SOHLH2: variants seen among roughly 807,000 people sequenced by gnomAD.
The protein encoded by SOHLH2 is spermatogenesis and oogenesis specific basic helix-loop-helix 2.
A neutral mutation model predicts 50.4 loss-of-function variants in SOHLH2; 22 were observed. The observed-to-expected ratio is 0.44, with a 90% CI of 0.31 to 0.62. The LOEUF is 0.62. Ranked by LOEUF, SOHLH2 falls within the 20% of genes least tolerant of loss-of-function variation. The pLI, the probability that SOHLH2 is intolerant of heterozygous loss-of-function variation, is 0.08. For synonymous variants in SOHLH2, 185 were observed against 187.3 expected, an observed-to-expected ratio of 0.99 and a Z score of 0.10; for missense variants, 412 against 504.4, an observed-to-expected ratio of 0.82 and a Z score of 1.76.
intron 9 of SOHLH2, among the ~76,000 whole-genome samples, chr13:36,172,475 A>C (rs984797951): frequency 6.6e-6 from 1 of 152,126 alleles, no homozygotes; most frequent in Non-Finnish European, 1.5e-5. Context: ...GCTGGGTTCT[A>C]TCTGGGGGTC....
At chr13:36,170,922 C>T in intron 9 of SOHLH2, 135 bp from the exon 10 acceptor site, 1 of 1,377,770 alleles carries the variant, frequency 7.3e-7, no homozygotes, top group Non-Finnish European at 9.7e-7. Flanking sequence ...CACCCGAATG[C>T]TGATGGAAAA....
intron 5 of SOHLH2, among the ~76,000 whole-genome samples, 185 bp downstream of exon 5, chr13:36,191,610 T>A (rs1381132752): frequency 6.6e-6 from 1 of 152,228 alleles, no homozygotes. Context: ...TGTTCCCCTG[T>A]GGTCAAGTCT....
chr13:36,169,198 GT>G, intron 10 of SOHLH2, 144 bp from the exon 11 acceptor site: 1 of 1,227,664 alleles, frequency 8.1e-7, no homozygotes, highest in Non-Finnish European at 1.1e-6. Context: ...AAGCTTACAG[GT>G]TTTTAAATAT....
chr13:36,191,682 G>T, intron 5 of SOHLH2, 113 bp downstream of exon 5: 1 of 1,209,350 alleles, frequency 8.3e-7, no homozygotes, highest in Non-Finnish European at 1.2e-6. Context: ...TACCCACAGT[G>T]CCAGCTCAGG....
chr13:36,195,231 C>T (rs926830233), intron 2 of SOHLH2, among the ~76,000 whole-genome samples: 21 of 152,278 alleles, frequency 1.4e-4, no homozygotes, highest in African/African-American at 4.8e-4. Context: ...GGGAAGGCTT[C>T]CAGGCAGACA....
At chr13:36,170,433 G>C in intron 10 of SOHLH2, 98 bp downstream of exon 10, 1 of 1,475,928 alleles carries the variant, frequency 6.8e-7, no homozygotes, top group Non-Finnish European at 9.0e-7. Flanking sequence ...TTAGGTCCCA[G>C]CCTTCCAACC....
At chr13:36,181,519 A>G (rs1248267989) in intron 6 of SOHLH2, among the ~76,000 whole-genome samples, 1 of 152,176 alleles carries the variant, frequency 6.6e-6, no homozygotes, top group South Asian at 2.1e-4. Context: ...TAGGGATTAC[A>G]ATATATATCT....
chr13:36,178,493 T>C (rs1887152800), intron 6 of SOHLH2, among the ~76,000 whole-genome samples: 1 of 152,204 alleles, frequency 6.6e-6, no homozygotes, highest in South Asian at 2.1e-4. Flanking sequence ...TCAACTTTTA[T>C]GCCAGTTACC....
Position 36,189,983 on chromosome 13 carries a change from T to C in SOHLH2, c.604A>G (p.Ile202Val). Reference sequence around the variant, plus strand: ...TCCTTGCTTGAATGAAGAAGAGAGATCTTTTTGTTTTTCTCGAACTCTGAC... The same window carrying C: ...TCCTTGCTTGAATGAAGAAGAGAGACCTTTTTGTTTTTCTCGAACTCTGAC... ...SLSEFEKNKK[I>V]SLLHSSKEKL... Residue 202 changes from isoleucine (I) to valine (V), a missense_variant, in exon 6 of 11, where the codon ATC (isoleucine) becomes GTC (valine). Physicochemically the swap from Ile to Val is conservative, Grantham distance 29. Coordinates refer to ENST00000379881, the MANE Select transcript of SOHLH2 (RefSeq NM_017826.3). 8.1e-6 allele frequency: 13 copies of C among 1,606,892 alleles called. No individual in the cohort carries two copies. The highest frequency in any genetic ancestry group is 1.1e-5 in the Non-Finnish European group (13 of 1,175,466).
intron 2 of SOHLH2, among the ~76,000 whole-genome samples, chr13:36,196,480 C>A (rs1357440885): frequency 6.6e-6 from 1 of 151,758 alleles, no homozygotes; most frequent in Non-Finnish European, 1.5e-5. Flanking sequence ...GAGGTACAGA[C>A]AACAGAATGA....
chr13:36,212,181 A>G (rs1349461745), intron 1 of SOHLH2, among the ~76,000 whole-genome samples: 1 of 152,176 alleles, frequency 6.6e-6, no homozygotes, highest in Non-Finnish European at 1.5e-5. Flanking sequence ...AGAAACAAGC[A>G]CCACTAACCC....
At chr13:36,193,314 G>A (rs1354615294) in intron 4 of SOHLH2, among the ~76,000 whole-genome samples, 2 of 152,158 alleles carry the variant, frequency 1.3e-5, no homozygotes, top group Non-Finnish European at 2.9e-5. Context: ...ATCACACAAT[G>A]ACACAGCACA....
At chr13:36,192,342 T>C (rs1297326219) in intron 4 of SOHLH2, among the ~76,000 whole-genome samples, 1 of 152,134 alleles carries the variant, frequency 6.6e-6, no homozygotes, top group Non-Finnish European at 1.5e-5. Flanking sequence ...GAAGCAGACA[T>C]GGTCATGACC....
At chr13:36,173,916 A>C in intron 8 of SOHLH2, 106 bp from the exon 9 acceptor site, 3 of 1,270,676 alleles carry the variant, frequency 2.4e-6, no homozygotes, top group Non-Finnish European at 3.3e-6. Context: ...AACACTGATA[A>C]AGCCTCAACT....
intron 5 of SOHLH2, 29 bp from the exon 6 acceptor site, chr13:36,190,085 A>T: frequency 1.9e-6 from 3 of 1,567,222 alleles, no homozygotes; most frequent in Non-Finnish European, 2.6e-6. Context: ...CACACCATAC[A>T]TTAAAGGGGA....
chr13:36,181,261 T>C (rs1436082036), intron 6 of SOHLH2, among the ~76,000 whole-genome samples: 1 of 152,148 alleles, frequency 6.6e-6, no homozygotes, highest in Non-Finnish European at 1.5e-5. Flanking sequence ...GCTTCTCTGT[T>C]ACAGACAGTA....
At chr13:36,182,302 A>T (rs1392266623) in intron 6 of SOHLH2, 1 of 985,060 alleles carries the variant, frequency 1.0e-6, no homozygotes, top group Non-Finnish European at 1.2e-6. Flanking sequence ...GGTTAAAAAG[A>T]TAAGAGTTAA....
chr13:36,171,588 TTC>T (rs538863619), intron 9 of SOHLH2, among the ~76,000 whole-genome samples: 101 of 152,280 alleles, frequency 6.6e-4, no homozygotes, highest in Non-Finnish European at 1.1e-3. Context: ...TACATTCACG[TTC>T]TCTGTTCTCT....
chr13:36,202,809 T>A (rs1380277833), intron 1 of SOHLH2, among the ~76,000 whole-genome samples: 2 of 152,164 alleles, frequency 1.3e-5, no homozygotes, highest in Non-Finnish European at 2.9e-5. Context: ...GACATCTGTA[T>A]GAGAAAACAG....
Sources: gnomAD v4.1 joint callset for allele counts (sites outside exome capture counted in the v4.1 genomes callset) on GRCh38, gnomAD v4.1.1 for gene constraint, MANE v1.5 for transcripts, NCBI Gene and HGNC (gene_info 2026-07-23, HGNC 2026-07-21) for gene names.